Variants in RGS6 observed in about 807,000 individuals in gnomAD.
The protein encoded by RGS6 is regulator of G protein signaling 6.
RGS6 carries 30 observed loss-of-function variants against 78.5 expected under a neutral mutation model. That is an observed-to-expected ratio of 0.38 (90% CI 0.29 to 0.52). The LOEUF (loss-of-function observed/expected upper bound fraction) is 0.52, where lower values mean the gene tolerates loss of function less well. RGS6 is among the 20% of genes least tolerant of loss of function. The pLI is 0.85. For missense variants in RGS6, 495 were observed against 609.7 expected, an observed-to-expected ratio of 0.81 and a Z score of 1.98; for synonymous variants, 206 against 206.0, an observed-to-expected ratio of 1.00 and a Z score of 0.00.
intron 15 of RGS6, among the ~76,000 whole-genome samples, chr14:72,535,574 T>C (rs1260724396): frequency 6.6e-6 from 1 of 152,184 alleles, no homozygotes; most frequent in African/African-American, 2.4e-5. Flanking sequence ...TTGTGCCCCA[T>C]GTATGTATGT....
intron 3 of RGS6, among the ~76,000 whole-genome samples, chr14:72,400,680 T>G (rs1429077137): frequency 6.6e-6 from 1 of 152,236 alleles, no homozygotes; most frequent in Non-Finnish European, 1.5e-5. Context: ...ATTCTTTCTA[T>G]GCATATACAT....
the RGS6 span, among the ~76,000 whole-genome samples, chr14:72,586,819 C>T: frequency 9.9e-3 from 1,506 of 152,244 alleles, 21 homozygotes; most frequent in Admixed American, 0.05. Flanking sequence ...TTTTAATATT[C>T]CTAAATACTA....
In RGS6 at chr14:71,985,476, C is replaced by CT. The variant is rs553372026; in HGVS notation, c.84+20603dup. ...TAAGTAGATAATGTACCATGATTTACTTATTTAGGGTTTGTTATTAATAGC... is the reference window on the plus strand; with the variant it reads ...TAAGTAGATAATGTACCATGATTTACTTTATTTAGGGTTTGTTATTAATAGC... On this transcript the variant is annotated intron_variant, in intron 2 of 17. Transcript: ENST00000553525. Among the ~76,000 whole-genome samples the CT allele has an allele frequency of 9.2e-5, 14 of 152,262 alleles. No homozygotes were observed. The South Asian group carries it at 2.9e-3, about 32-fold the overall frequency.
intron 2 of RGS6, among the ~76,000 whole-genome samples, chr14:72,141,147 T>C (rs1429894080): frequency 6.6e-6 from 1 of 152,206 alleles, no homozygotes; most frequent in African/African-American, 2.4e-5. Flanking sequence ...GTCTGTATTA[T>C]TGATCAAAGC....
intron 2 of RGS6, among the ~76,000 whole-genome samples, chr14:72,261,342 G>A (rs2058117184): frequency 6.6e-6 from 1 of 152,176 alleles, no homozygotes; most frequent in South Asian, 2.1e-4. Flanking sequence ...CAGAGGAGGA[G>A]GGTAAAAGGA....
chr14:72,587,522 A>T, the RGS6 span, among the ~76,000 whole-genome samples: 1 of 152,144 alleles, frequency 6.6e-6, no homozygotes, highest in Non-Finnish European at 1.5e-5. Context: ...TCCACCCCAT[A>T]ACTTATAATA....
intron 2 of RGS6, among the ~76,000 whole-genome samples, chr14:71,972,694 A>G (rs2093884961): frequency 6.6e-6 from 1 of 152,080 alleles, no homozygotes; most frequent in South Asian, 2.1e-4. Flanking sequence ...GATTGGAGGT[A>G]GGAGGACAGT....
chr14:72,180,095 T>G (rs2097155415), intron 2 of RGS6, among the ~76,000 whole-genome samples: 1 of 152,226 alleles, frequency 6.6e-6, no homozygotes, highest in Non-Finnish European at 1.5e-5. Context: ...AGTTTGAGCC[T>G]TTACTGCTGG....
At chr14:71,947,454 TAAAA>T (rs760736244) in intron 1 of RGS6, among the ~76,000 whole-genome samples, 17 of 152,044 alleles carry the variant, frequency 1.1e-4, no homozygotes, top group Non-Finnish European at 1.2e-4. Context: ...CTCCCCCACT[TAAAA>T]AAAATCTGTT....
At chr14:72,033,222 C>T (rs2091186461) in intron 2 of RGS6, among the ~76,000 whole-genome samples, 1 of 152,006 alleles carries the variant, frequency 6.6e-6, no homozygotes, top group Admixed American at 6.6e-5. Flanking sequence ...AAAATGGTTG[C>T]ATTGGTGGGT....
At chr14:72,062,214 C>T (rs1484743615) in intron 2 of RGS6, among the ~76,000 whole-genome samples, 1 of 152,174 alleles carries the variant, frequency 6.6e-6, no homozygotes, top group Non-Finnish European at 1.5e-5. Flanking sequence ...CTTCAAGTGG[C>T]ATAAATAGCC....
chr14:72,328,285 T>C (rs2074244080), intron 2 of RGS6, among the ~76,000 whole-genome samples: 1 of 152,228 alleles, frequency 6.6e-6, no homozygotes, highest in African/African-American at 2.4e-5. Flanking sequence ...TTTTACCAGC[T>C]ATCTGGGCAC....
At chr14:71,958,673 C>T (rs2092974115) in intron 1 of RGS6, among the ~76,000 whole-genome samples, 1 of 151,894 alleles carries the variant, frequency 6.6e-6, no homozygotes, top group Admixed American at 6.6e-5. Context: ...CCCCCATTAG[C>T]ATGTCTGCCC....
At chr14:71,994,094 A>G (rs926964049) in intron 2 of RGS6, among the ~76,000 whole-genome samples, 5 of 151,938 alleles carry the variant, frequency 3.3e-5, no homozygotes, top group Non-Finnish European at 5.9e-5. Flanking sequence ...ACATGACTGC[A>G]TTATACATAC....
At chr14:72,182,178 G>A (rs1179445491) in intron 2 of RGS6, among the ~76,000 whole-genome samples, 1 of 152,148 alleles carries the variant, frequency 6.6e-6, no homozygotes, top group East Asian at 1.9e-4. Flanking sequence ...GGGAGGCCGA[G>A]GTGGGCGGAT....
At chr14:72,321,107 A>C (rs1407235873) in intron 2 of RGS6, among the ~76,000 whole-genome samples, 2 of 151,822 alleles carry the variant, frequency 1.3e-5, no homozygotes, top group Admixed American at 1.3e-4. Context: ...GAAGGAAGAG[A>C]AAATAAAGAA....
intron 15 of RGS6, among the ~76,000 whole-genome samples, chr14:72,529,752 T>A (rs1364966445): frequency 1.3e-5 from 2 of 152,130 alleles, no homozygotes; most frequent in African/African-American, 4.8e-5. Context: ...AGACCACCAT[T>A]CCCCACTTGT....
intron 2 of RGS6, among the ~76,000 whole-genome samples, chr14:72,152,273 T>C (rs72719853): frequency 0.11 from 16,767 of 149,186 alleles, 931 homozygotes; most frequent in African/African-American, 0.12. Context: ...TGTGTGTGTG[T>C]GCGCATGCAG....
At chr14:71,936,825 TAC>T in intron 1 of RGS6, among the ~76,000 whole-genome samples, 1 of 152,360 alleles carries the variant, frequency 6.6e-6, no homozygotes, top group East Asian at 1.9e-4. Context: ...TCTTGACAAT[TAC>T]AGTCTGTTTC....
Sources: gnomAD v4.1 joint callset for allele counts (sites outside exome capture counted in the v4.1 genomes callset) on GRCh38, gnomAD v4.1.1 for gene constraint, MANE v1.5 for transcripts, NCBI Gene and HGNC (gene_info 2026-07-23, HGNC 2026-07-21) for gene names.